Variants in SLC19A2 observed in about 807,000 individuals in gnomAD.
SLC19A2 encodes the protein thiamine transporter 1.
SLC19A2 carries 27 observed loss-of-function variants against 44.7 expected under a neutral mutation model. The observed-to-expected ratio is 0.60, with a 90% CI of 0.45 to 0.83. The LOEUF is 0.83. SLC19A2 is among the 40% of genes least tolerant of loss of function. SLC19A2 has a pLI of 0.00. For synonymous variants in SLC19A2, 239 were observed against 243.6 expected, an observed-to-expected ratio of 0.98 and a Z score of 0.18; for missense variants, 566 against 613.7, an observed-to-expected ratio of 0.92 and a Z score of 0.82.
chr1:169,477,843 A>G, intron 1 of SLC19A2, 86 bp from the exon 2 acceptor site: 1 of 1,361,484 alleles, frequency 7.3e-7, no homozygotes, highest in Non-Finnish European at 1.0e-6. Context: ...CATAAAAAAC[A>G]ACCTACAAAT....
rs762721332 is a variant in SLC19A2, at chr1:169,470,098, G to A, written c.896C>T (p.Ser299Phe). ...CYSSRPLLCW[S>F]VWWALSTCGY... ...ACAGGTAGAGAGGGCCCACCACACA[G>A]ACCAGCAGAGAAGAGGGCGAGAGGA... is the stretch of plus-strand genomic sequence containing the variant. Residue 299 changes from serine to phenylalanine, a missense_variant, in exon 3 of 6, where the codon TCT (serine) becomes TTT (phenylalanine). By Grantham distance (155) the Ser-to-Phe change is radical. Transcript: ENST00000236137. 1.9e-6 allele frequency: 3 copies of A among 1,614,076 alleles called. No individual in the cohort carries two copies. In the South Asian group the frequency reaches 3.3e-5, roughly 18 times the overall value.
At chr1:169,480,619 G>C (rs181492638) in intron 1 of SLC19A2, among the ~76,000 whole-genome samples, 118 of 152,136 alleles carry the variant, frequency 7.8e-4, no homozygotes, top group Non-Finnish European at 1.5e-3. Flanking sequence ...TCTAAAGTTT[G>C]AAACTGCCTC....
intron 3 of SLC19A2, 33 bp downstream of exon 3, chr1:169,469,931 C>T (rs186051606): frequency 6.3e-7 from 1 of 1,588,436 alleles, no homozygotes; most frequent in African/African-American, 1.3e-5. Context: ...ATCCCTCCCC[C>T]ACCACGACCC....
intron 4 of SLC19A2, 50 bp downstream of exon 4, chr1:169,468,594 T>G (rs903675348): frequency 6.5e-7 from 1 of 1,534,250 alleles, no homozygotes; most frequent in African/African-American, 1.4e-5. Flanking sequence ...AACCAAAAAA[T>G]TTATCCTGTT....
At chr1:169,485,240 C>G (rs1658527122) in intron 1 of SLC19A2, among the ~76,000 whole-genome samples, 1 of 152,200 alleles carries the variant, frequency 6.6e-6, no homozygotes, top group Non-Finnish European at 1.5e-5. Flanking sequence ...AATATTGCCC[C>G]CTCGCCCCCA....
intron 2 of SLC19A2, among the ~76,000 whole-genome samples, chr1:169,475,858 T>TA (rs571687025): frequency 4.6e-5 from 7 of 152,190 alleles, no homozygotes; most frequent in Non-Finnish European, 2.9e-5. Context: ...AGAACGGGGA[T>TA]AGAGAAAAGA....
chr1:169,477,839 AAAC>A, intron 1 of SLC19A2, 82 bp from the exon 2 acceptor site: 1 of 1,400,136 alleles, frequency 7.1e-7, no homozygotes, highest in East Asian at 2.4e-5. Context: ...TATTCATAAA[AAAC>A]AACCTACAAA....
chr1:169,477,879 C>A, intron 1 of SLC19A2, 122 bp from the exon 2 acceptor site: 4 of 972,380 alleles, frequency 4.1e-6, no homozygotes, highest in South Asian at 3.1e-5. Context: ...ACCTTGACAA[C>A]AGCAGTTCAG....
intron 2 of SLC19A2, among the ~76,000 whole-genome samples, chr1:169,476,516 C>A (rs1336398427): frequency 6.6e-6 from 1 of 151,954 alleles, no homozygotes; most frequent in Admixed American, 6.6e-5. Flanking sequence ...GTCAGGAGTT[C>A]GAGACCAGCC....
intron 2 of SLC19A2, among the ~76,000 whole-genome samples, chr1:169,475,469 AAT>A: frequency 6.6e-6 from 1 of 152,160 alleles, no homozygotes; most frequent in Non-Finnish European, 1.5e-5. Context: ...AACTATGGTC[AAT>A]ATGTTAATAT....
In SLC19A2 at chr1:169,482,588, G is replaced by A. The variant is rs561593314; in HGVS notation, c.204+2975C>T. Among the ~76,000 whole-genome samples the A allele has an allele frequency of 4.9e-4, 74 of 152,252 alleles. 1 individual carries two copies. In the South Asian group the frequency reaches 0.015, roughly 32 times the overall value. On this transcript the variant is annotated intron_variant, in intron 1 of 5. Transcript: ENST00000236137. ...GCTCTCCAGGAGTATTGAACCTAGT[G>A]AGGAATATATAATATATGCAGTATT...
rs1488616380 is a variant in SLC19A2, at chr1:169,477,334, T to C, written c.628A>G (p.Met210Val). The C allele has an allele frequency of 1.2e-6, 2 of 1,614,132 alleles. No individual in the cohort carries two copies. Among genetic ancestry groups the C allele is most frequent in the Middle Eastern group, 1.6e-4 (1 of 6,062 alleles). ...TGAAAGAAGAGGCTCTTCTGTGGCATAGGTAAAAACCAGGCCACAGCAAAA... is the reference window on the plus strand; with the variant it reads ...TGAAAGAAGAGGCTCTTCTGTGGCACAGGTAAAAACCAGGCCACAGCAAAA... The part of the protein sequence containing the change: ...VAFAVAWFLP[M>V]PQKSLFFHHI... The change falls in exon 2 of 6, where the codon ATG (methionine) becomes GTG (valine). Residue 210 changes from methionine (M) to valine (V), a missense_variant. By Grantham distance (21) the Met-to-Val change is conservative. Transcript: ENST00000236137.
rs1658101684 is a variant in SLC19A2, at chr1:169,468,944, A to T, written c.1031-108T>A. The T allele has an allele frequency of 4.2e-6, 4 of 956,668 alleles. No homozygotes were observed. In the Admixed American group the frequency reaches 6.3e-5, roughly 15 times the overall value. The allele number at this position is 956,668 out of a possible 1,614,324, so 59.3% of individuals were successfully genotyped here. ...AATTTTAAAATCTGCAAACTTATAA[A>T]CAGAATAGCTCAAGATTATGGAGGG... On this transcript the variant is annotated intron_variant, in intron 3 of 5. Coordinates refer to ENST00000236137, the MANE Select transcript of SLC19A2 (RefSeq NM_006996.3).
At position 169,485,929 on chromosome 1, in the gene SLC19A2, C is replaced by A. The variant is rs886045533; in HGVS notation, c.-163G>T. ...TCCGGCTACAGAACCCCCAGCTTTACCCTACAGACGCCTCTAGGGTCGCTG... is the reference window on the plus strand; with the variant it reads ...TCCGGCTACAGAACCCCCAGCTTTAACCTACAGACGCCTCTAGGGTCGCTG... On this transcript the variant is annotated 5_prime_UTR_variant, in exon 1 of 6. Transcript: ENST00000236137. 2 of 829,054 alleles carry A rather than the reference C, an allele frequency of 2.4e-6. No homozygotes were observed. The highest frequency in any genetic ancestry group is 1.7e-5 in the African/African-American group (1 of 57,700). 51.4% of individuals were successfully genotyped at this position (829,054 alleles called of 1,614,324 possible).
chr1:169,468,921 T>G (rs1221106136), intron 3 of SLC19A2, 85 bp from the exon 4 acceptor site: 2 of 1,255,146 alleles, frequency 1.6e-6, no homozygotes, highest in Non-Finnish European at 1.1e-6. Flanking sequence ...GATTATTAAA[T>G]TTTAAAATCT....
At chr1:169,480,826 A>T (rs1658427806) in intron 1 of SLC19A2, among the ~76,000 whole-genome samples, 1 of 152,194 alleles carries the variant, frequency 6.6e-6, no homozygotes, top group Non-Finnish European at 1.5e-5. Context: ...TTTTAACCAT[A>T]GTTGTCCCAA....
intron 2 of SLC19A2, among the ~76,000 whole-genome samples, chr1:169,471,462 TCCACAC>T (rs1345145318): frequency 5.5e-5 from 6 of 109,500 alleles, no homozygotes; most frequent in Admixed American, 2.4e-4. Flanking sequence ...AGATCCCGTC[TCCACAC>T]ACACACACAC....
chr1:169,474,768 A>G (rs1658269950), intron 2 of SLC19A2, among the ~76,000 whole-genome samples: 1 of 152,168 alleles, frequency 6.6e-6, no homozygotes, highest in African/African-American at 2.4e-5. Flanking sequence ...TGCTTGCCAA[A>G]GAAAAACAGC....
intron 2 of SLC19A2, among the ~76,000 whole-genome samples, chr1:169,470,851 C>G (rs1028030681): frequency 6.6e-6 from 1 of 152,130 alleles, no homozygotes; most frequent in Admixed American, 6.5e-5. Flanking sequence ...ATGTCAGACA[C>G]TCTGTGAGAT....
Sources: gnomAD v4.1 joint callset for allele counts (sites outside exome capture counted in the v4.1 genomes callset) on GRCh38, gnomAD v4.1.1 for gene constraint, MANE v1.5 for transcripts, NCBI Gene and HGNC (gene_info 2026-07-23, HGNC 2026-07-21) for gene names.